The following SUGCT variants were observed in gnomAD, a reference collection of about 807,000 sequenced individuals.
SUGCT encodes succinyl-CoA:glutarate-CoA transferase, also known as succinyl-CoA:glutarate CoA-transferase.
In SUGCT, 41 loss-of-function variants were observed where a neutral mutation model predicts 55.0. The ratio of observed to expected loss-of-function variants is 0.74; its 90% CI spans 0.58 to 0.97. The LOEUF (loss-of-function observed/expected upper bound fraction) is 0.97. Among genes scored for constraint, SUGCT ranks in the 50% least tolerant of loss-of-function variants. The pLI is 0.00. For synonymous variants in SUGCT, 187 were observed against 200.4 expected, an observed-to-expected ratio of 0.93 and a Z score of 0.56; for missense variants, 568 against 547.8, an observed-to-expected ratio of 1.04 and a Z score of -0.37.
At chr7:40,277,421 C>G (rs1792586991) in intron 8 of SUGCT, among the ~76,000 whole-genome samples, 1 of 151,876 alleles carries the variant, frequency 6.6e-6, no homozygotes, top group Non-Finnish European at 1.5e-5. Flanking sequence ...AACTCCTGAC[C>G]TTGAGTGATC....
At chr7:40,638,801 T>C (rs1461856695) in intron 12 of SUGCT, among the ~76,000 whole-genome samples, 3 of 151,890 alleles carry the variant, frequency 2.0e-5, no homozygotes, top group Non-Finnish European at 4.4e-5. Flanking sequence ...CATGACTGGG[T>C]GAAGGAGAGG....
intron 12 of SUGCT, among the ~76,000 whole-genome samples, chr7:40,695,777 T>A (rs1443209234): frequency 6.6e-6 from 1 of 152,116 alleles, no homozygotes; most frequent in Non-Finnish European, 1.5e-5. Context: ...ATAGGATGTT[T>A]ATCAGTTTCC....
chr7:40,844,373 A>C (rs952868000), intron 13 of SUGCT, among the ~76,000 whole-genome samples: 2 of 152,058 alleles, frequency 1.3e-5, no homozygotes, highest in African/African-American at 4.8e-5. Flanking sequence ...GATTTTATTT[A>C]GAGGTGGAAG....
chr7:40,972,728 T>G, the SUGCT span, among the ~76,000 whole-genome samples: 6 of 152,180 alleles, frequency 3.9e-5, no homozygotes, highest in Non-Finnish European at 8.8e-5. Flanking sequence ...TCCAGCAAGG[T>G]GTGTTGTAAC....
At chr7:40,465,891 A>AT (rs1004733368) in intron 11 of SUGCT, among the ~76,000 whole-genome samples, 5 of 151,368 alleles carry the variant, frequency 3.3e-5, no homozygotes, top group Non-Finnish European at 4.4e-5. Context: ...AAATAAATAT[A>AT]TTTTTTTTGA....
At chr7:40,622,162 A>C (rs979175971) in intron 12 of SUGCT, among the ~76,000 whole-genome samples, 11 of 152,218 alleles carry the variant, frequency 7.2e-5, no homozygotes, top group African/African-American at 2.7e-4. Flanking sequence ...TGTTTTTAGC[A>C]GGTGTCCCAT....
intron 9 of SUGCT, among the ~76,000 whole-genome samples, chr7:40,413,039 C>T (rs560297082): frequency 9.2e-5 from 14 of 152,002 alleles, no homozygotes; most frequent in African/African-American, 2.9e-4. Context: ...AGATTTATTC[C>T]GATCTTGTAT....
At chr7:40,692,150 C>G (rs888043293) in intron 12 of SUGCT, among the ~76,000 whole-genome samples, 4 of 152,122 alleles carry the variant, frequency 2.6e-5, no homozygotes, top group Non-Finnish European at 5.9e-5. Flanking sequence ...CAAGGCTATG[C>G]TAGATGCTGA....
chr7:40,798,832 C>A (rs1790675611), intron 13 of SUGCT, among the ~76,000 whole-genome samples: 2 of 152,184 alleles, frequency 1.3e-5, no homozygotes, highest in Admixed American at 6.5e-5. Context: ...TAGCACTTAA[C>A]AGTACATTTT....
At chr7:40,550,593 T>C (rs906759053) in intron 12 of SUGCT, among the ~76,000 whole-genome samples, 4 of 152,234 alleles carry the variant, frequency 2.6e-5, no homozygotes, top group African/African-American at 9.6e-5. Context: ...CTGAGACTTA[T>C]AACCAAAAGC....
intron 13 of SUGCT, among the ~76,000 whole-genome samples, chr7:40,842,572 T>G (rs998210732): frequency 6.6e-5 from 10 of 152,220 alleles, no homozygotes; most frequent in Non-Finnish European, 1.3e-4. Flanking sequence ...GTAGAAACTC[T>G]TCCTCTTCAT....
At position 40,626,732 on chromosome 7, in the gene SUGCT, A is replaced by G. The variant is rs143425879; in HGVS notation, c.1090-122702A>G. On this transcript the variant is annotated intron_variant, in intron 12 of 13. Transcript: ENST00000335693. Reference sequence around the variant, plus strand: ...TCAGACAAACACGGGTCCAAATCCTAGTTCTGGGTCTTATTGTGTGTCCTA... The same window carrying G: ...TCAGACAAACACGGGTCCAAATCCTGGTTCTGGGTCTTATTGTGTGTCCTA... 1.6e-3 allele frequency among the ~76,000 whole-genome samples: 245 copies of G among 152,232 alleles called. 1 individual carries two copies. Among genetic ancestry groups the G allele is most frequent in the African/African-American group, 5.7e-3 (237 of 41,536 alleles).
At chr7:40,757,794 G>A (rs1471796881) in intron 13 of SUGCT, among the ~76,000 whole-genome samples, 2 of 152,098 alleles carry the variant, frequency 1.3e-5, no homozygotes, top group Non-Finnish European at 1.5e-5. Context: ...ATGGTATACC[G>A]TTTTTGCTAT....
At chr7:40,736,209 T>C (rs1170296575) in intron 12 of SUGCT, among the ~76,000 whole-genome samples, 1 of 146,936 alleles carries the variant, frequency 6.8e-6, no homozygotes, top group Non-Finnish European at 1.5e-5. Context: ...AATATATCAA[T>C]ATATAATATA....
chr7:40,210,283 T>C (rs764212483), intron 6 of SUGCT, among the ~76,000 whole-genome samples: 11 of 151,868 alleles, frequency 7.2e-5, no homozygotes, highest in South Asian at 4.2e-4. Flanking sequence ...CCTGACCTTG[T>C]GATCTGCCCA....
At chr7:40,879,714 G>C in the SUGCT span, among the ~76,000 whole-genome samples, 1 of 152,056 alleles carries the variant, frequency 6.6e-6, no homozygotes, top group African/African-American at 2.4e-5. Flanking sequence ...AAATTCAACA[G>C]CTATAACATA....
intron 12 of SUGCT, among the ~76,000 whole-genome samples, chr7:40,556,211 T>G (rs2151650590): frequency 6.6e-6 from 1 of 152,328 alleles, no homozygotes; most frequent in Non-Finnish European, 1.5e-5. Flanking sequence ...ACTTGTAACT[T>G]TCTCCAGAGG....
At chr7:40,269,250 T>C (rs1354937395) in intron 7 of SUGCT, among the ~76,000 whole-genome samples, 1 of 152,212 alleles carries the variant, frequency 6.6e-6, no homozygotes, top group African/African-American at 2.4e-5. Flanking sequence ...TCTAGTTCTT[T>C]GGAGAAATGT....
intron 8 of SUGCT, among the ~76,000 whole-genome samples, chr7:40,311,689 A>G (rs1431018920): frequency 3.3e-5 from 5 of 152,130 alleles, no homozygotes; most frequent in Non-Finnish European, 5.9e-5. Context: ...AGGTCCTATA[A>G]TTCTTTGTTT....
Sources: gnomAD v4.1 joint callset for allele counts (sites outside exome capture counted in the v4.1 genomes callset) on GRCh38, gnomAD v4.1.1 for gene constraint, MANE v1.5 for transcripts, NCBI Gene and HGNC (gene_info 2026-07-23, HGNC 2026-07-21) for gene names.